Variants in TMEM266 observed in about 807,000 individuals in gnomAD.
TMEM266 encodes Hv1 related protein 1.
In TMEM266, 33 loss-of-function variants were observed where a neutral mutation model predicts 50.5. That is an observed-to-expected ratio of 0.65 (90% CI 0.50 to 0.87). TMEM266 has a LOEUF of 0.87. Among genes scored for constraint, TMEM266 ranks in the 40% least tolerant of loss-of-function variants. TMEM266 has a pLI of 0.00. For missense variants in TMEM266, 655 were observed against 695.1 expected (o/e 0.94, Z 0.65); for synonymous variants, 310 against 292.3 (o/e 1.06, Z -0.62).
intron 1 of TMEM266, among the ~76,000 whole-genome samples, chr15:76,078,463 A>C (rs1197730118): frequency 6.6e-6 from 1 of 151,136 alleles, no homozygotes; most frequent in African/African-American, 2.5e-5. Flanking sequence ...CTCAACCTTG[A>C]GTCTGACAAA....
chr15:76,079,771 C>CAAAAAAA (rs1180534538), intron 1 of TMEM266, among the ~76,000 whole-genome samples: 1 of 46,632 alleles, frequency 2.1e-5, no homozygotes. Context: ...GACTCTGTCT[C>CAAAAAAA]AAAAAAAAAA....
At chr15:76,175,718 G>A (rs894880702) in intron 8 of TMEM266, 44 bp downstream of exon 8, 17 of 1,506,978 alleles carry the variant, frequency 1.1e-5, no homozygotes, top group Non-Finnish European at 1.6e-5. Context: ...TCTTGCTGGG[G>A]ACACTGGTAG....
At chr15:76,155,765 G>C (rs1169907823) in intron 3 of TMEM266, among the ~76,000 whole-genome samples, 1 of 152,156 alleles carries the variant, frequency 6.6e-6, no homozygotes, top group Non-Finnish European at 1.5e-5. Flanking sequence ...TGTGGAACTA[G>C]TGTTCCACTC....
At chr15:76,132,389 G>T (rs563203164) in intron 1 of TMEM266, among the ~76,000 whole-genome samples, 2 of 152,108 alleles carry the variant, frequency 1.3e-5, no homozygotes, top group Admixed American at 6.5e-5. Flanking sequence ...GATTATAGGC[G>T]TGAACCACCG....
At chr15:76,122,858 G>A (rs893446839) in intron 1 of TMEM266, among the ~76,000 whole-genome samples, 1 of 152,200 alleles carries the variant, frequency 6.6e-6, no homozygotes, top group Non-Finnish European at 1.5e-5. Flanking sequence ...ACTTACAGAA[G>A]TGTTTGTTAG....
intron 1 of TMEM266, among the ~76,000 whole-genome samples, chr15:76,114,814 C>T (rs933506331): frequency 1.3e-5 from 2 of 152,188 alleles, no homozygotes; most frequent in Non-Finnish European, 2.9e-5. Flanking sequence ...AAGGAAACCC[C>T]ATTAAAGTCA....
intron 3 of TMEM266, among the ~76,000 whole-genome samples, chr15:76,147,263 G>A (rs533701742): frequency 2.0e-5 from 3 of 152,204 alleles, no homozygotes; most frequent in Non-Finnish European, 4.4e-5. Context: ...AAGGAAATCA[G>A]ATTTGCCTCA....
chr15:76,202,566 C>T (rs2038765505), intron 10 of TMEM266, among the ~76,000 whole-genome samples: 1 of 152,106 alleles, frequency 6.6e-6, no homozygotes, highest in Non-Finnish European at 1.5e-5. Flanking sequence ...TCCAAGTGAC[C>T]TCAGTGCCCA....
At chr15:76,116,382 G>A (rs1024421328) in intron 1 of TMEM266, among the ~76,000 whole-genome samples, 1 of 152,104 alleles carries the variant, frequency 6.6e-6, no homozygotes, top group Non-Finnish European at 1.5e-5. Flanking sequence ...TTCTCACCTA[G>A]CTTAAGGGAA....
At chr15:76,133,647 T>C (rs2037548236) in intron 1 of TMEM266, among the ~76,000 whole-genome samples, 1 of 152,160 alleles carries the variant, frequency 6.6e-6, no homozygotes, top group Non-Finnish European at 1.5e-5. Flanking sequence ...AGTGAGGCTC[T>C]GACTGTGGCA....
rs1482806367 is a variant in TMEM266 at position 76,160,255 on chromosome 15, TAG to T, written c.456+88_456+89del. 7.6e-7 allele frequency: 1 copy of T among 1,309,694 alleles called. No individual in the cohort carries two copies. Among genetic ancestry groups the T allele is most frequent in the African/African-American group, 1.5e-5 (1 of 68,544 alleles). The allele number at this position is 1,309,694 out of a possible 1,614,324, so 81.1% of individuals were successfully genotyped here. ...AAGGTCTACTTCTCGAAATGGTTTC[TAG>T]CATCAGGTCCCCTGCTAGCCCTTGA... On this transcript the variant is annotated intron_variant, in intron 5 of 10. Coordinates refer to ENST00000388942, the MANE Select transcript of TMEM266 (RefSeq NM_152335.3). This position sits in a 1 kb window ranked among gnomAD's most constrained non-coding sequence, Gnocchi z 5.7.
intron 3 of TMEM266, among the ~76,000 whole-genome samples, chr15:76,156,049 T>G (rs2037919133): frequency 6.6e-6 from 1 of 152,230 alleles, no homozygotes; most frequent in South Asian, 2.1e-4. Context: ...AGCACAGAGC[T>G]GCATGAGCTG....
intron 5 of TMEM266, among the ~76,000 whole-genome samples, chr15:76,164,211 CT>C (rs1240132174): frequency 6.6e-6 from 1 of 152,142 alleles, no homozygotes; most frequent in African/African-American, 2.4e-5. Context: ...AGCACACTTT[CT>C]TTTTTCTTTT....
At chr15:76,064,689 A>G (rs993604608) in intron 1 of TMEM266, among the ~76,000 whole-genome samples, 1 of 152,204 alleles carries the variant, frequency 6.6e-6, no homozygotes, top group Admixed American at 6.5e-5. Context: ...TGTAATAGAA[A>G]CTACTTAGTA....
chr15:76,163,861 CCT>C (rs2038054117), intron 5 of TMEM266, among the ~76,000 whole-genome samples: 1 of 152,242 alleles, frequency 6.6e-6, no homozygotes, highest in Non-Finnish European at 1.5e-5. Flanking sequence ...TACTGACTCT[CCT>C]CTCCCTCTCT....
intron 1 of TMEM266, among the ~76,000 whole-genome samples, chr15:76,060,405 C>A (rs2036277682): frequency 6.6e-6 from 1 of 152,012 alleles, no homozygotes; most frequent in Non-Finnish European, 1.5e-5. Context: ...GTATGGCAAG[C>A]GGGCGCCTAT....
chr15:76,130,568 A>G (rs1340005109), intron 1 of TMEM266, among the ~76,000 whole-genome samples: 1 of 152,232 alleles, frequency 6.6e-6, no homozygotes, highest in African/African-American at 2.4e-5. Context: ...GGGGATGATG[A>G]TAGTTTTGTG....
chr15:76,174,364 A>G (rs1369298027), intron 7 of TMEM266, among the ~76,000 whole-genome samples: 1 of 152,076 alleles, frequency 6.6e-6, no homozygotes, highest in African/African-American at 2.4e-5. Context: ...CAGCCTGGCC[A>G]ACGTGGTGAA....
intron 1 of TMEM266, among the ~76,000 whole-genome samples, chr15:76,067,816 G>A (rs1238073680): frequency 1.3e-5 from 2 of 151,016 alleles, no homozygotes; most frequent in East Asian, 1.9e-4. Context: ...AGTACTTGTC[G>A]GCCTTTGACA....
Sources: gnomAD v4.1 joint callset for allele counts (sites outside exome capture counted in the v4.1 genomes callset) on GRCh38, gnomAD v4.1.1 for gene constraint, Gnocchi (gnomAD v3.1) non-coding constraint, MANE v1.5 for transcripts, NCBI Gene and HGNC (gene_info 2026-07-23, HGNC 2026-07-21) for gene names.